SAMMSON: variants seen among roughly 807,000 people sequenced by gnomAD.
SAMMSON encodes the protein long intergenic non-protein coding RNA 1212.
chr3:70,198,469 T>A (rs2106717857), intron 4 of SAMMSON, among the ~76,000 whole-genome samples: 1 of 152,330 alleles, frequency 6.6e-6, no homozygotes, highest in East Asian at 1.9e-4. Context: ...ATATGGAAAC[T>A]TCCTATGAAA....
chr3:70,365,204 T>C (rs1378777824), intron 9 of SAMMSON, among the ~76,000 whole-genome samples: 1 of 151,688 alleles, frequency 6.6e-6, no homozygotes, highest in Non-Finnish European at 1.5e-5. Flanking sequence ...ATACATTTCC[T>C]CCCTGAGTCC....
chr3:70,064,383 C>T (rs144935302), intron 3 of SAMMSON, among the ~76,000 whole-genome samples: 19 of 152,222 alleles, frequency 1.2e-4, no homozygotes, highest in Non-Finnish European at 1.8e-4. Context: ...GAAGATGGTG[C>T]AGTGTTCAAG....
At chr3:70,159,143 C>A (rs1034200043) in intron 4 of SAMMSON, among the ~76,000 whole-genome samples, 1 of 151,890 alleles carries the variant, frequency 6.6e-6, no homozygotes, top group Non-Finnish European at 1.5e-5. Context: ...TATTTTCATA[C>A]ATGTAAGGTT....
chr3:70,379,425 T>G (rs762157082), intron 9 of SAMMSON, among the ~76,000 whole-genome samples: 1 of 152,132 alleles, frequency 6.6e-6, no homozygotes, highest in Non-Finnish European at 1.5e-5. Flanking sequence ...GCAGCGCTCC[T>G]GGGATCAACA....
chr3:70,342,726 G>A (rs1702720348), intron 7 of SAMMSON, among the ~76,000 whole-genome samples: 1 of 152,072 alleles, frequency 6.6e-6, no homozygotes, highest in South Asian at 2.1e-4. Flanking sequence ...AATGGCCAAG[G>A]GACAGTCAGT....
chr3:70,207,391 G>A (rs891599633), intron 4 of SAMMSON, among the ~76,000 whole-genome samples: 1 of 152,024 alleles, frequency 6.6e-6, no homozygotes, highest in Non-Finnish European at 1.5e-5. Flanking sequence ...TTGGGGATAT[G>A]CTTCTTGGGA....
intron 7 of SAMMSON, among the ~76,000 whole-genome samples, chr3:70,323,921 A>G (rs1417335108): frequency 6.6e-6 from 1 of 152,070 alleles, no homozygotes. Context: ...GGCTGGAGGC[A>G]GGGAGAACTG....
intron 4 of SAMMSON, among the ~76,000 whole-genome samples, chr3:70,163,239 C>A (rs1294944422): frequency 6.7e-6 from 1 of 150,006 alleles, no homozygotes; most frequent in East Asian, 2.0e-4. Flanking sequence ...CCACTACTGC[C>A]CTCTTTTGTG....
At chr3:70,267,970 C>A (rs568539961) in intron 6 of SAMMSON, among the ~76,000 whole-genome samples, 151 of 151,290 alleles carry the variant, frequency 1.0e-3, no homozygotes, top group African/African-American at 3.5e-3. Flanking sequence ...TTTCCTTTCG[C>A]CTCCCCTTTC....
At chr3:70,052,957 T>A (rs1461416952) in intron 3 of SAMMSON, among the ~76,000 whole-genome samples, 1 of 152,138 alleles carries the variant, frequency 6.6e-6, no homozygotes, top group African/African-American at 2.4e-5. Flanking sequence ...ACTTTATACA[T>A]CTTGACTTGT....
At chr3:70,423,341 T>G (rs1449138851) in intron 2 of SAMMSON, among the ~76,000 whole-genome samples, 1 of 152,168 alleles carries the variant, frequency 6.6e-6, no homozygotes, top group African/African-American at 2.4e-5. Context: ...GAATGGTCCC[T>G]TTCTTTGCCT....
At chr3:70,340,017 A>C (rs1345778606) in intron 7 of SAMMSON, among the ~76,000 whole-genome samples, 1 of 152,098 alleles carries the variant, frequency 6.6e-6, no homozygotes, top group Non-Finnish European at 1.5e-5. Context: ...ATGTCCATCA[A>C]TGATAGACTG....
chr3:70,433,570 T>A (rs1214538266), intron 2 of SAMMSON, among the ~76,000 whole-genome samples: 7 of 152,152 alleles, frequency 4.6e-5, no homozygotes, highest in African/African-American at 1.7e-4. Flanking sequence ...CTTTATCAGA[T>A]ACATATTTGG....
chr3:70,245,117 C>A (rs1701694423), intron 4 of SAMMSON, among the ~76,000 whole-genome samples: 1 of 152,056 alleles, frequency 6.6e-6, no homozygotes, highest in African/African-American at 2.4e-5. Context: ...CATTTCCTCT[C>A]CTTTAATAGC....
intron 3 of SAMMSON, among the ~76,000 whole-genome samples, chr3:70,039,635 AC>A (rs2067099167): frequency 7.1e-6 from 1 of 141,828 alleles, no homozygotes; most frequent in South Asian, 2.3e-4. Context: ...ACACACACAC[AC>A]ACACACACTT....
At chr3:70,374,994 A>G (rs1416806224) in intron 9 of SAMMSON, among the ~76,000 whole-genome samples, 1 of 152,136 alleles carries the variant, frequency 6.6e-6, no homozygotes, top group Admixed American at 6.6e-5. Context: ...ATATGAGGCT[A>G]AAAGGGAAAC....
At chr3:70,299,987 T>A (rs1559557958) in intron 7 of SAMMSON, among the ~76,000 whole-genome samples, 2 of 152,170 alleles carry the variant, frequency 1.3e-5, no homozygotes, top group Non-Finnish European at 2.9e-5. Flanking sequence ...CCCAGACTTT[T>A]CTGCCTCCAT....
intron 4 of SAMMSON, among the ~76,000 whole-genome samples, chr3:70,182,344 C>T (rs1701060175): frequency 6.6e-6 from 1 of 152,112 alleles, no homozygotes; most frequent in Admixed American, 6.5e-5. Context: ...TTACAGTCTT[C>T]GTGAGCCCAT....
At chr3:70,303,036 T>A (rs1702365731) in intron 7 of SAMMSON, among the ~76,000 whole-genome samples, 1 of 152,176 alleles carries the variant, frequency 6.6e-6, no homozygotes. Context: ...ATCAAAATGA[T>A]TTTGACATTT....
Sources: gnomAD v4.1 joint callset for allele counts (sites outside exome capture counted in the v4.1 genomes callset) on GRCh38, gnomAD v4.1.1 for gene constraint, MANE v1.5 for transcripts, NCBI Gene and HGNC (gene_info 2026-07-23, HGNC 2026-07-21) for gene names.